PTPRZ1: variants seen among roughly 807,000 people sequenced by gnomAD.
The protein encoded by PTPRZ1 is receptor-type tyrosine-protein phosphatase zeta.
A neutral mutation model predicts 214.1 loss-of-function variants in PTPRZ1; 82 were observed. The ratio of observed to expected loss-of-function variants is 0.38; its 90% confidence interval spans 0.32 to 0.46. The LOEUF is 0.46. Ranked by LOEUF, PTPRZ1 falls within the 20% of genes least tolerant of loss-of-function variation. The probability of loss-of-function intolerance (pLI) is 1.00; values close to 1 mark genes in which losing one functional copy is unlikely to be tolerated. For missense variants in PTPRZ1, 2,603 were observed against 2,748.7 expected (o/e 0.95, Z 1.19); for synonymous variants, 945 against 987.9 (o/e 0.96, Z 0.81).
At chr7:122,014,666 C>T (rs1798793297) in intron 12 of PTPRZ1, among the ~76,000 whole-genome samples, 1 of 152,146 alleles carries the variant, frequency 6.6e-6, no homozygotes, top group Non-Finnish European at 1.5e-5. Context: ...TCTTGATCTC[C>T]TGACCTCGTG....
At chr7:122,051,402 A>G (rs562189086) in intron 23 of PTPRZ1, 26 bp from the exon 24 acceptor site, 4 of 1,555,218 alleles carry the variant, frequency 2.6e-6, no homozygotes, top group Admixed American at 3.4e-5. Flanking sequence ...GAAATAACCT[A>G]TATATTTTTT....
At position 122,013,831 on chromosome 7, in the gene PTPRZ1, G is replaced by A. The variant is rs375321179; in HGVS notation, c.4785G>A (p.Gln1595=). The A allele has an allele frequency of 1.1e-5, 17 of 1,613,914 alleles. No individual in the cohort carries two copies. The South Asian group carries it at 1.5e-4, about 15-fold the overall frequency. ...GDSEITPGFP[Q]SPTSSVTSEN... ...CAGAAATAACTCCTGGATTCCCACA[G>A]TCCCCAACATCATCTGTTACTAGCG... Residue 1595 remains glutamine (Q), a synonymous_variant, in exon 12 of 30, where the codon CAG becomes CAA. Coordinates refer to ENST00000393386, the MANE Select transcript of PTPRZ1 (RefSeq NM_002851.3).
At chr7:121,894,208 C>T (rs1205211589) in intron 1 of PTPRZ1, among the ~76,000 whole-genome samples, 1 of 152,130 alleles carries the variant, frequency 6.6e-6, no homozygotes, top group Non-Finnish European at 1.5e-5. Flanking sequence ...TACGGAAGGA[C>T]CCCTTTGCCA....
intron 8 of PTPRZ1, among the ~76,000 whole-genome samples, chr7:121,987,649 C>T (rs572621774): frequency 3.4e-4 from 51 of 152,094 alleles, no homozygotes; most frequent in African/African-American, 1.2e-3. Context: ...TGTATTTCTC[C>T]GATGATTAGT....
At chr7:122,044,301 T>G in intron 22 of PTPRZ1, 121 bp from the exon 23 acceptor site, 2 of 1,148,466 alleles carry the variant, frequency 1.7e-6, no homozygotes, top group Non-Finnish European at 1.2e-6. Context: ...AGCAATCTTG[T>G]GTGGGTCTTC....
intron 28 of PTPRZ1, 81 bp from the exon 29 acceptor site, chr7:122,059,672 G>A (rs1369085901): frequency 6.8e-7 from 1 of 1,465,506 alleles, no homozygotes; most frequent in African/African-American, 1.4e-5. Flanking sequence ...AAGTTGTCAA[G>A]GCTATATGCT....
At chr7:121,876,489 A>G (rs964196662) in intron 1 of PTPRZ1, among the ~76,000 whole-genome samples, 1 of 152,178 alleles carries the variant, frequency 6.6e-6, no homozygotes, top group African/African-American at 2.4e-5. Context: ...AGCCACATTA[A>G]CAATAAATTA....
intron 6 of PTPRZ1, among the ~76,000 whole-genome samples, chr7:121,982,436 T>C (rs1241572575): frequency 8.2e-6 from 1 of 121,226 alleles, no homozygotes; most frequent in Admixed American, 7.7e-5. Flanking sequence ...GGGATTTTAA[T>C]TAGGATTTCA....
chr7:122,051,642 G>A, intron 24 of PTPRZ1, 121 bp downstream of exon 24: 1 of 897,684 alleles, frequency 1.1e-6, no homozygotes, highest in Non-Finnish European at 1.7e-6. Flanking sequence ...TTTTAATTTT[G>A]TCCAATATGT....
At chr7:122,044,386 T>A in intron 22 of PTPRZ1, 36 bp from the exon 23 acceptor site, 2 of 1,611,952 alleles carry the variant, frequency 1.2e-6, no homozygotes, top group African/African-American at 1.3e-5. Context: ...TGAGGAAAAC[T>A]TGAACTAATG....
intron 1 of PTPRZ1, among the ~76,000 whole-genome samples, chr7:121,900,840 CTAA>C (rs1481857500): frequency 6.6e-6 from 1 of 152,158 alleles, no homozygotes; most frequent in Non-Finnish European, 1.5e-5. Context: ...CCTTCAAAGT[CTAA>C]TAATAAGTAT....
chr7:121,889,887 T>C (rs749360472), intron 1 of PTPRZ1, among the ~76,000 whole-genome samples: 29 of 152,210 alleles, frequency 1.9e-4, no homozygotes, highest in African/African-American at 6.3e-4. Flanking sequence ...ATTCTGGAGA[T>C]GCTTTGTTCA....
At chr7:121,998,123 C>T in intron 10 of PTPRZ1, 117 bp downstream of exon 10, 1 of 1,222,992 alleles carries the variant, frequency 8.2e-7, no homozygotes, top group South Asian at 1.5e-5. Context: ...GTGATTTTCT[C>T]TTAAGTCTGG....
At chr7:121,913,244 A>G (rs2116316347) in intron 1 of PTPRZ1, among the ~76,000 whole-genome samples, 1 of 152,300 alleles carries the variant, frequency 6.6e-6, no homozygotes, top group East Asian at 1.9e-4. Context: ...AGTTGGAGAA[A>G]TGGCTGAGCA....
At chr7:121,886,201 T>G (rs1430678435) in intron 1 of PTPRZ1, among the ~76,000 whole-genome samples, 3 of 152,124 alleles carry the variant, frequency 2.0e-5, no homozygotes, top group Admixed American at 2.0e-4. Context: ...ATTATTGCAG[T>G]CTGTTACAAT....
intron 18 of PTPRZ1, 121 bp from the exon 19 acceptor site, chr7:122,038,634 G>A: frequency 1.1e-6 from 1 of 887,084 alleles, no homozygotes; most frequent in Middle Eastern, 2.9e-4. Context: ...AACTTTGCAA[G>A]TTTATTTTTT....
chr7:121,933,153 G>GAA (rs35284916), intron 2 of PTPRZ1, among the ~76,000 whole-genome samples: 46,053 of 132,564 alleles, frequency 0.35, 8,263 homozygotes, highest in South Asian at 0.43. Flanking sequence ...ACAGTTCAGT[G>GAA]AAAAAAAAAA....
At chr7:122,048,055 AAT>A (rs1328428950) in intron 23 of PTPRZ1, among the ~76,000 whole-genome samples, 1 of 152,174 alleles carries the variant, frequency 6.6e-6, no homozygotes, top group Non-Finnish European at 1.5e-5. Context: ...CTCAGAGTAT[AAT>A]ACAGTAAAAA....
intron 13 of PTPRZ1, among the ~76,000 whole-genome samples, chr7:122,023,779 ATATAT>A (rs1269307976): frequency 1.7e-5 from 2 of 118,822 alleles, no homozygotes; most frequent in East Asian, 2.2e-4. Context: ...TATATATAAT[ATATAT>A]TATATGTATA....
Sources: allele counts gnomAD v4.1 joint callset (sites outside exome capture counted in the v4.1 genomes callset), GRCh38; gene constraint gnomAD v4.1.1; transcripts MANE v1.5; gene names NCBI Gene and HGNC (gene_info 2026-07-23, HGNC 2026-07-21).